CAMKMT: variants seen among roughly 807,000 people sequenced by gnomAD.
CAMKMT encodes calmodulin-lysine N-methyltransferase, also known as CaM KMT.
Under a neutral mutation model 48.0 loss-of-function variants are expected in CAMKMT, and 53 were observed. The ratio of observed to expected loss-of-function variants is 1.10; its 90% CI spans 0.89 to 1.39. CAMKMT has a LOEUF of 1.39. Ranked by LOEUF, CAMKMT falls within the 40% of genes most tolerant of loss-of-function variation. The pLI, the probability that CAMKMT is intolerant of heterozygous loss-of-function variation, is 0.00. For synonymous variants in CAMKMT, 165 were observed against 152.3 expected (o/e 1.08, Z -0.61); for missense variants, 428 against 402.7 (o/e 1.06, Z -0.54).
At chr2:44,562,691 G>A (rs999174479) in intron 3 of CAMKMT, among the ~76,000 whole-genome samples, 2 of 152,138 alleles carry the variant, frequency 1.3e-5, no homozygotes, top group Non-Finnish European at 2.9e-5. Flanking sequence ...CTCCCGAGTA[G>A]CTAGGATTAC....
chr2:44,469,396 A>G (rs961652849), intron 3 of CAMKMT, among the ~76,000 whole-genome samples: 1 of 151,708 alleles, frequency 6.6e-6, no homozygotes, highest in African/African-American at 2.4e-5. Context: ...CTGAAAATCC[A>G]AAGATTGTGT....
chr2:44,376,066 G>A (rs1679658296), intron 2 of CAMKMT, among the ~76,000 whole-genome samples: 1 of 152,010 alleles, frequency 6.6e-6, no homozygotes. Flanking sequence ...GGGATTACAG[G>A]TGTGAGCCAC....
chr2:44,391,094 A>C (rs1681293063), intron 3 of CAMKMT, among the ~76,000 whole-genome samples: 1 of 152,190 alleles, frequency 6.6e-6, no homozygotes, highest in African/African-American at 2.4e-5. Context: ...TTCTCAAAGA[A>C]AATTTCAGAA....
intron 3 of CAMKMT, among the ~76,000 whole-genome samples, chr2:44,666,879 A>G (rs1028018721): frequency 6.6e-6 from 1 of 152,166 alleles, no homozygotes; most frequent in Non-Finnish European, 1.5e-5. Context: ...AAGTGCTGGG[A>G]TTACAGGTGT....
chr2:44,461,003 C>G (rs1667822237), intron 3 of CAMKMT, among the ~76,000 whole-genome samples: 1 of 152,264 alleles, frequency 6.6e-6, no homozygotes, highest in Middle Eastern at 3.4e-3. Flanking sequence ...GGATTATAGG[C>G]ATGAGCCACC....
intron 7 of CAMKMT, among the ~76,000 whole-genome samples, chr2:44,738,650 A>C (rs1384379583): frequency 6.6e-6 from 1 of 152,248 alleles, no homozygotes; most frequent in African/African-American, 2.4e-5. Context: ...AACAGATTTT[A>C]AAAATCTGTA....
chr2:44,646,637 A>G (rs1673749430), intron 3 of CAMKMT, among the ~76,000 whole-genome samples: 1 of 152,156 alleles, frequency 6.6e-6, no homozygotes, highest in Admixed American at 6.5e-5. Context: ...AGCCTAGAAA[A>G]TCTTCCCACA....
At position 44,724,838 on chromosome 2, in the gene CAMKMT, A is replaced by C. The variant is rs139390119; in HGVS notation, c.623+9485A>C. ...CAAGAAGCACATATCGGAGGTGGACAGGCCTGAGGGGATAGTCCAACCACA... is the reference window on the plus strand; with the variant it reads ...CAAGAAGCACATATCGGAGGTGGACCGGCCTGAGGGGATAGTCCAACCACA... On this transcript the variant is annotated intron_variant, in intron 7 of 10. Coordinates refer to ENST00000378494, the MANE Select transcript of CAMKMT (RefSeq NM_024766.5). Among the ~76,000 whole-genome samples, 753 of 152,326 alleles carry C rather than the reference A, an allele frequency of 4.9e-3. 8 individuals are homozygous for C. Among genetic ancestry groups the C allele is most frequent in the African/African-American group, 0.017 (717 of 41,586 alleles).
rs142701653 is a variant in CAMKMT at position 44,460,848 on chromosome 2, G to A, written c.376+70543G>A. Among the ~76,000 whole-genome samples, 1,132 of 149,190 alleles carry A rather than the reference G, an allele frequency of 7.6e-3. 15 individuals are homozygous for A. Among genetic ancestry groups the A allele is most frequent in the African/African-American group, 0.027 (1,076 of 39,946 alleles). ...CACGATTCTCCAGCCTCAGCCTCCC[G>A]AGTAGCTGAGATCACAGGCGCATAC... is the stretch of plus-strand genomic sequence containing the variant. On this transcript the variant is annotated intron_variant, in intron 3 of 10. Coordinates refer to ENST00000378494, the MANE Select transcript of CAMKMT (RefSeq NM_024766.5).
In CAMKMT at chr2:44,413,098, T is replaced by TTAAA. The variant is rs530249634; in HGVS notation, c.376+22813_376+22816dup. Among the ~76,000 whole-genome samples the TTAAA allele has an allele frequency of 4.7e-3, 717 of 151,514 alleles. 1 individual carries two copies. The highest frequency in any genetic ancestry group is 0.034 in the Middle Eastern group (10 of 294). ...CTCAAAAAAAATAAAATAAAATAAATTAAATAAATAAATAAATAAATAATA... is the reference window on the plus strand; with the variant it reads ...CTCAAAAAAAATAAAATAAAATAAATTAAATAAATAAATAAATAAATAAATAATA... On this transcript the variant is annotated intron_variant, in intron 3 of 10. Coordinates refer to ENST00000378494, the MANE Select transcript of CAMKMT (RefSeq NM_024766.5).
At chr2:44,465,133 T>A (rs1234746387) in intron 3 of CAMKMT, among the ~76,000 whole-genome samples, 1 of 152,098 alleles carries the variant, frequency 6.6e-6, no homozygotes, top group Admixed American at 6.6e-5. Flanking sequence ...ACTGGTAACA[T>A]AGAGGGAAGA....
intron 3 of CAMKMT, among the ~76,000 whole-genome samples, chr2:44,407,935 T>C (rs2104465981): frequency 6.6e-6 from 1 of 152,180 alleles, no homozygotes; most frequent in African/African-American, 2.4e-5. Flanking sequence ...TAAGTTGTAC[T>C]AATAGATTTC....
At chr2:44,375,208 T>A (rs1483027151) in intron 2 of CAMKMT, among the ~76,000 whole-genome samples, 1 of 151,768 alleles carries the variant, frequency 6.6e-6, no homozygotes, top group African/African-American at 2.4e-5. Flanking sequence ...TTACTTGGAA[T>A]AGCCCAAAGC....
intron 3 of CAMKMT, among the ~76,000 whole-genome samples, chr2:44,663,625 C>G (rs918614870): frequency 3.9e-5 from 6 of 152,166 alleles, no homozygotes; most frequent in Admixed American, 3.9e-4. Context: ...GTTAGATTGT[C>G]CTTTTGCCCT....
At chr2:44,412,370 C>T (rs1174553787) in intron 3 of CAMKMT, among the ~76,000 whole-genome samples, 2 of 152,146 alleles carry the variant, frequency 1.3e-5, no homozygotes, top group Admixed American at 6.5e-5. Context: ...GAGTCTGGCT[C>T]TGTCGCCTAG....
intron 3 of CAMKMT, among the ~76,000 whole-genome samples, chr2:44,472,505 T>C (rs1482934258): frequency 1.3e-5 from 2 of 152,214 alleles, no homozygotes; most frequent in Non-Finnish European, 2.9e-5. Context: ...CCCAAAATCC[T>C]GTTTGTACTA....
intron 3 of CAMKMT, among the ~76,000 whole-genome samples, chr2:44,579,539 T>G (rs1434220712): frequency 1.3e-5 from 2 of 152,184 alleles, no homozygotes; most frequent in African/African-American, 4.8e-5. Context: ...GAGAATGCTG[T>G]TGAAAAAGAC....
At chr2:44,763,248 G>A (rs1680691503) in intron 9 of CAMKMT, among the ~76,000 whole-genome samples, 2 of 152,222 alleles carry the variant, frequency 1.3e-5, no homozygotes, top group African/African-American at 4.8e-5. Context: ...AGTAGTTAGA[G>A]ATTAAAACTA....
intron 3 of CAMKMT, among the ~76,000 whole-genome samples, chr2:44,417,059 G>C (rs1385202189): frequency 6.6e-6 from 1 of 151,954 alleles, no homozygotes; most frequent in African/African-American, 2.4e-5. Flanking sequence ...TTAGCCTCCT[G>C]GGTTGCTGGG....
Sources: allele counts gnomAD v4.1 joint callset (sites outside exome capture counted in the v4.1 genomes callset), GRCh38; gene constraint gnomAD v4.1.1; transcripts MANE v1.5; gene names NCBI Gene and HGNC (gene_info 2026-07-23, HGNC 2026-07-21).